Variants in APP observed in about 807,000 individuals in gnomAD.
APP encodes amyloid beta precursor protein.
In APP, 31 loss-of-function variants were observed where a neutral mutation model predicts 101.4. The observed-to-expected ratio is 0.31, with a 90% confidence interval of 0.23 to 0.41. The LOEUF is 0.41. Ranked by LOEUF, APP falls within the 10% of genes least tolerant of loss-of-function variation. The pLI, the probability that APP is intolerant of heterozygous loss-of-function variation, is 1.00. For synonymous variants in APP, 366 were observed against 364.4 expected (o/e 1.00, Z -0.05); for missense variants, 839 against 1,003.7 (o/e 0.84, Z 2.22).
rs562800088 is a variant in APP, at chr21:26,045,209, A to G, written c.662+5791T>C. Among the ~76,000 whole-genome samples, 23 of 152,018 alleles carry G rather than the reference A, an allele frequency of 1.5e-4. No individual in the cohort carries two copies. In the South Asian group the frequency reaches 4.6e-3, roughly 30 times the overall value. On this transcript the variant is annotated intron_variant, in intron 5 of 17. Coordinates refer to ENST00000346798, the MANE Select transcript of APP (RefSeq NM_000484.4). ...GGAAGATGGCTATATTCTCTCTTCAATAAAATTATGAGCTGTCAATGTTTT... is the reference window on the plus strand; with the variant it reads ...GGAAGATGGCTATATTCTCTCTTCAGTAAAATTATGAGCTGTCAATGTTTT...
At chr21:26,067,427 T>C (rs2046498937) in intron 3 of APP, among the ~76,000 whole-genome samples, 1 of 152,198 alleles carries the variant, frequency 6.6e-6, no homozygotes, top group Admixed American at 6.5e-5. Context: ...ATAATATATT[T>C]CAAGGAGTAG....
intron 4 of APP, among the ~76,000 whole-genome samples, chr21:26,051,414 A>C (rs2045835071): frequency 6.6e-6 from 1 of 152,202 alleles, no homozygotes; most frequent in South Asian, 2.1e-4. Flanking sequence ...ATTTAATAAG[A>C]CCACGATGTT....
intron 13 of APP, chr21:25,942,248 G>A (rs1246448370): frequency 6.6e-6 from 1 of 152,102 alleles, no homozygotes; most frequent in Non-Finnish European, 1.5e-5. Context: ...TGAATAAACA[G>A]CTCTGCAAAC....
Position 25,916,727 on chromosome 21 carries a change from T to TCCTCCCAAGACTTATTTTTTC in APP, c.1688-4786_1688-4766dup, listed in dbSNP as rs367800627. 1.3e-3 allele frequency among the ~76,000 whole-genome samples: 205 copies of TCCTCCCAAGACTTATTTTTTC among 152,314 alleles called. 1 individual carries two copies. The highest frequency in any genetic ancestry group is 4.7e-3 in the African/African-American group (195 of 41,570). ...TATTAAACTAAGAGACTGCTTATTT[T>TCCTCCCAAGACTTATTTTTTC]CCTCCCAAGACTTATTTTTTCCCCT... is the stretch of plus-strand genomic sequence containing the variant. On this transcript the variant is annotated intron_variant, in intron 13 of 17. Coordinates refer to ENST00000346798, the MANE Select transcript of APP (RefSeq NM_000484.4).
At chr21:25,961,972 G>C (rs961207053) in intron 11 of APP, among the ~76,000 whole-genome samples, 58 of 151,942 alleles carry the variant, frequency 3.8e-4, no homozygotes, top group Admixed American at 1.8e-3. Flanking sequence ...TCTGTTACTA[G>C]CAATAATTTT....
At chr21:26,159,329 T>C (rs1170849998) in intron 1 of APP, among the ~76,000 whole-genome samples, 1 of 152,214 alleles carries the variant, frequency 6.6e-6, no homozygotes, top group African/African-American at 2.4e-5. Context: ...TCCACCCGCC[T>C]TGGCCTCCCA....
chr21:26,169,015 G>A (rs1335350843), intron 1 of APP, among the ~76,000 whole-genome samples: 1 of 152,162 alleles, frequency 6.6e-6, no homozygotes, highest in Non-Finnish European at 1.5e-5. Context: ...GAAAAGAGGG[G>A]AAAAACGGGT....
intron 1 of APP, among the ~76,000 whole-genome samples, chr21:26,137,101 C>T (rs2062936969): frequency 6.6e-6 from 1 of 152,122 alleles, no homozygotes; most frequent in Non-Finnish European, 1.5e-5. Flanking sequence ...CCACCACACC[C>T]AGCTAATTTT....
intron 1 of APP, among the ~76,000 whole-genome samples, chr21:26,125,577 T>C (rs1009110441): frequency 6.6e-6 from 1 of 151,794 alleles, no homozygotes; most frequent in Non-Finnish European, 1.5e-5. Flanking sequence ...GCACATTCGG[T>C]GCGGTGTTTA....
chr21:25,990,178 G>A (rs1414258712), intron 8 of APP, among the ~76,000 whole-genome samples: 1 of 152,160 alleles, frequency 6.6e-6, no homozygotes, highest in Non-Finnish European at 1.5e-5. Context: ...TGCAATCATA[G>A]TTGGTGGAGA....
intron 1 of APP, among the ~76,000 whole-genome samples, chr21:26,134,758 G>C (rs8130469): frequency 0.033 from 4,974 of 152,254 alleles, 132 homozygotes; most frequent in South Asian, 0.096. Flanking sequence ...CACATGGTAG[G>C]TTACCCAGCC....
intron 7 of APP, among the ~76,000 whole-genome samples, chr21:25,998,841 A>G (rs1040375228): frequency 1.3e-5 from 2 of 152,246 alleles, no homozygotes; most frequent in Non-Finnish European, 2.9e-5. Context: ...TTTCACTTGG[A>G]AGTCTGTTAA....
At chr21:26,155,260 C>T (rs867675059) in intron 1 of APP, among the ~76,000 whole-genome samples, 13 of 151,762 alleles carry the variant, frequency 8.6e-5, no homozygotes, top group South Asian at 2.1e-4. Flanking sequence ...AGTGAGACTC[C>T]GTCTCAAAAA....
chr21:26,078,764 G>A lies in APP; in HGVS notation c.355+11179C>T, dbSNP rs538066970. On this transcript the variant is annotated intron_variant, in intron 3 of 17. Transcript: ENST00000346798. ...AATGGTTAAAAAAAACATCAAACTC[G>A]GCAGGGTGTGGTGGCTCACGCCTGT... Among the ~76,000 whole-genome samples the A allele has an allele frequency of 1.6e-4, 24 of 152,260 alleles. 1 individual carries two copies. The South Asian group carries it at 5.0e-3, about 32-fold the overall frequency.
chr21:26,109,217 T>A (rs2062254754), intron 2 of APP, among the ~76,000 whole-genome samples: 1 of 152,232 alleles, frequency 6.6e-6, no homozygotes, highest in Non-Finnish European at 1.5e-5. Flanking sequence ...CTCAACCCTT[T>A]GATACAGTTT....
rs548603445 is a variant in APP at position 26,118,558 on chromosome 21, T to C, written c.58-6412A>G. On this transcript the variant is annotated intron_variant, in intron 1 of 17. Coordinates refer to ENST00000346798, the MANE Select transcript of APP (RefSeq NM_000484.4). ...CAGTTTTTCTGTGTGTCTTTTGTTT[T>C]GTTTCGTTTTCTGAGACAGAGTCTT... is the stretch of plus-strand genomic sequence containing the variant. Among the ~76,000 whole-genome samples, 31 of 152,328 alleles carry C rather than the reference T, an allele frequency of 2.0e-4. No homozygotes were observed. In the South Asian group the frequency reaches 5.2e-3, roughly 25 times the overall value.
rs116173912 is a variant in APP, at chr21:26,151,520, T to G, written c.57+19044A>C. On this transcript the variant is annotated intron_variant, in intron 1 of 17. Coordinates refer to ENST00000346798, the MANE Select transcript of APP (RefSeq NM_000484.4). ...TGTTAAAGACCACCATGCGTAACAC[T>G]ACTTGACAGCAGCAATTTATAGCAG... Among the ~76,000 whole-genome samples, 1,447 of 152,274 alleles carry G rather than the reference T, an allele frequency of 9.5e-3. 18 individuals are homozygous for G. Among genetic ancestry groups the G allele is most frequent in the African/African-American group, 0.033 (1,361 of 41,542 alleles).
intron 8 of APP, among the ~76,000 whole-genome samples, chr21:25,987,403 G>C (rs2042679758): frequency 6.6e-6 from 1 of 152,280 alleles, no homozygotes; most frequent in East Asian, 1.9e-4. Context: ...ACCTCTAGAT[G>C]CCTAGTCATT....
chr21:26,056,240 G>A (rs1434479416), intron 3 of APP, among the ~76,000 whole-genome samples: 1 of 152,116 alleles, frequency 6.6e-6, no homozygotes, highest in African/African-American at 2.4e-5. Flanking sequence ...GTCTAGATAT[G>A]TTGCCCAGGC....
Sources: gnomAD v4.1 joint callset for allele counts (sites outside exome capture counted in the v4.1 genomes callset) on GRCh38, gnomAD v4.1.1 for gene constraint, MANE v1.5 for transcripts, NCBI Gene and HGNC (gene_info 2026-07-23, HGNC 2026-07-21) for gene names.